Variants in HPS1 observed in about 807,000 individuals in gnomAD.
HPS1 encodes the protein HPS1 biogenesis of lysosomal organelles complex 3 subunit 1, also known as BLOC-3 complex member HPS1.
In HPS1, 59 loss-of-function variants were observed where a neutral mutation model predicts 90.6. The ratio of observed to expected loss-of-function variants is 0.65; its 90% confidence interval spans 0.53 to 0.81. The LOEUF (loss-of-function observed/expected upper bound fraction) is 0.81. Ranked by LOEUF, HPS1 falls within the 30% of genes least tolerant of loss-of-function variation. The pLI is 0.00. For synonymous variants in HPS1, 388 were observed against 384.4 expected (o/e 1.01, Z -0.11); for missense variants, 849 against 896.7 (o/e 0.95, Z 0.68).
chr10:98,440,003 C>T (rs1591143345), intron 3 of HPS1, among the ~76,000 whole-genome samples: 1 of 152,162 alleles, frequency 6.6e-6, no homozygotes, highest in Non-Finnish European at 1.5e-5. Flanking sequence ...TTCCTGCTGC[C>T]TTGTGAAGAA....
chr10:98,415,263 C>T (rs1436220970), downstream of HPS1: 4 of 1,263,174 alleles, frequency 3.2e-6, no homozygotes, highest in Admixed American at 1.0e-4. Flanking sequence ...TCCAGGCCCC[C>T]TCCACCATGC....
At chr10:98,428,106 T>A (rs1342774810) in intron 10 of HPS1, among the ~76,000 whole-genome samples, 3 of 152,068 alleles carry the variant, frequency 2.0e-5, no homozygotes, top group African/African-American at 4.8e-5. Flanking sequence ...TCTCAACAGG[T>A]CTCAGGCTCA....
chr10:98,417,581 G>T lies in HPS1; in HGVS notation c.2086C>A (p.Arg696Ser). 6.2e-7 allele frequency: 1 copy of T among 1,611,386 alleles called. No homozygotes were observed. Among genetic ancestry groups the T allele is most frequent in the Non-Finnish European group, 8.5e-7 (1 of 1,179,346 alleles). Reference sequence around the variant, plus strand: ...ACCTTGGCCTAGAGCAGGGGGATACGGGAGGCCTCCCAGAGGCGCCGGGCC... The same window carrying T: ...ACCTTGGCCTAGAGCAGGGGGATACTGGAGGCCTCCCAGAGGCGCCGGGCC... ...QLARRLWEAS[R>S]IPLL Residue 696 changes from arginine (R) to serine (S), a missense_variant, in exon 20 of 20, where the codon CGT becomes AGT. Coordinates refer to ENST00000361490, the MANE Select transcript of HPS1 (RefSeq NM_000195.5). The surrounding 1 kb of genome is among the most constrained non-coding windows in gnomAD (Gnocchi z 4.2).
In HPS1 at chr10:98,423,768, A is replaced by T. The variant is rs1436451897; in HGVS notation, c.1517T>A (p.Val506Glu). The change falls in exon 15 of 20, where the codon GTG becomes GAG. Residue 506 changes from valine to glutamate, a missense_variant. Val to Glu is a moderately radical substitution (Grantham distance 121). Transcript: ENST00000361490. Reference sequence around the variant, plus strand: ...CTGCACTTACCGCATGAGCCTCTGCACTTGGTCCTGCAGGTGCTGGGGCAG... The same window carrying T: ...CTGCACTTACCGCATGAGCCTCTGCTCTTGGTCCTGCAGGTGCTGGGGCAG... ...PHLPQHLQDQ[V>E]QRLMREKLTD... 4 of 1,614,088 alleles carry T rather than the reference A, an allele frequency of 2.5e-6. No individual in the cohort carries two copies. Among genetic ancestry groups the T allele is most frequent in the Non-Finnish European group, 3.4e-6 (4 of 1,180,022 alleles).
chr10:98,425,244 T>C (rs911581866), intron 13 of HPS1, among the ~76,000 whole-genome samples: 1 of 152,276 alleles, frequency 6.6e-6, no homozygotes, highest in Non-Finnish European at 1.5e-5. Context: ...CCACTGCTCA[T>C]GAGCTGCATA....
At chr10:98,415,102 C>T, downstream of HPS1, 1 of 1,613,864 alleles carries the variant, frequency 6.2e-7, no homozygotes, top group Non-Finnish European at 8.5e-7. Context: ...GAGGCGGCCA[C>T]AGCCTTGCAG....
Position 98,417,402 on chromosome 10 carries a change from A to T in HPS1, c.*162T>A. 3 of 599,266 alleles carry T rather than the reference A, an allele frequency of 5.0e-6. No homozygotes were observed. Among genetic ancestry groups the T allele is most frequent in the Non-Finnish European group, 8.8e-6 (3 of 341,118 alleles). 37.1% of individuals were successfully genotyped at this position (599,266 alleles called of 1,614,324 possible). A position where few individuals can be genotyped will look rare whatever the true frequency, so the allele number is the denominator to read the frequency against. On this transcript the variant is annotated 3_prime_UTR_variant, in exon 20 of 20. Transcript: ENST00000361490. This position sits in a 1 kb window ranked among gnomAD's most constrained non-coding sequence, Gnocchi z 4.2. The stretch of plus-strand genomic sequence containing the variant: ...GGGCCTTGCTCAGTACCTGACATGG[A>T]GGGTGGTCTAGGTGGGGTTTTAGAA...
rs1286151623 is a variant in HPS1 at position 98,427,218 on chromosome 10, A to G, written c.984T>C (p.Leu328=). The change falls in exon 11 of 20, where the codon CTT becomes CTC. Residue 328 remains leucine, a synonymous_variant. Transcript: ENST00000361490. ...GGCAGGCACAGGAGAAACTCACCTG[A>G]AGGGCATCCATGGGGGGGGTGCCCC... is the stretch of plus-strand genomic sequence containing the variant. The part of the protein sequence containing the change: ...LEGGTPPMDA[L]QIAEDTLQTL... 6 of 1,551,112 alleles carry G rather than the reference A, an allele frequency of 3.9e-6. No homozygotes were observed. Among genetic ancestry groups the G allele is most frequent in the Non-Finnish European group, 4.4e-6 (5 of 1,146,592 alleles).
Position 98,427,252 on chromosome 10 carries a change from C to A in HPS1, c.950G>T (p.Trp317Leu). 6.4e-7 allele frequency: 1 copy of A among 1,551,388 alleles called. No homozygotes were observed. Among genetic ancestry groups the A allele is most frequent in the Non-Finnish European group, 8.7e-7 (1 of 1,146,808 alleles). ...PGDQSSGSTIWLEGGTPPMDA... is the reference protein window; with the variant it reads ...PGDQSSGSTILLEGGTPPMDA... Reference sequence around the variant, plus strand: ...CATGGGGGGGGTGCCCCCCTCCAGCCAGATGGTGCTACCTGCAGGCCACAG... The same window carrying A: ...CATGGGGGGGGTGCCCCCCTCCAGCAAGATGGTGCTACCTGCAGGCCACAG... Residue 317 changes from tryptophan (W) to leucine (L), a missense_variant, in exon 11 of 20, where the codon TGG (tryptophan) becomes TTG (leucine). Coordinates refer to ENST00000361490, the MANE Select transcript of HPS1 (RefSeq NM_000195.5).
At chr10:98,433,146 T>C (rs11593280) in intron 6 of HPS1, among the ~76,000 whole-genome samples, 19,437 of 151,020 alleles carry the variant, frequency 0.13, 1,505 homozygotes, top group South Asian at 0.22. Flanking sequence ...GCAGGAGAAT[T>C]GCTTGAACCC....
chr10:98,443,772 C>G (rs1938899513), intron 2 of HPS1, among the ~76,000 whole-genome samples: 1 of 152,212 alleles, frequency 6.6e-6, no homozygotes, highest in African/African-American at 2.4e-5. Context: ...GTGGCTCACG[C>G]CTGTAATCCC....
At position 98,434,001 on chromosome 10, in the gene HPS1, C is replaced by T. The variant is rs1846917036; in HGVS notation, c.489G>A (p.Glu163=). 6.4e-7 allele frequency: 1 copy of T among 1,558,996 alleles called. No individual in the cohort carries two copies. The highest frequency in any genetic ancestry group is 8.7e-7 in the Non-Finnish European group (1 of 1,151,188). ...LWTYSRLREQ[E]QCFAVEALER... ...TAGTCACCTCCACGGCGAAGCACTG[C>T]TCCTGCTCCCGCAGGCGGCTGTAGG... Residue 163 remains glutamate (E), a synonymous_variant, in exon 6 of 20, where the codon GAG becomes GAA. Transcript: ENST00000361490.
chr10:98,417,738 G>C lies in HPS1; in HGVS notation c.1941-12C>G, dbSNP rs1369141819. The C allele has an allele frequency of 6.2e-7, 1 of 1,613,324 alleles. No homozygotes were observed. Among genetic ancestry groups the C allele is most frequent in the Admixed American group, 1.7e-5 (1 of 60,004 alleles). On this transcript the variant is annotated splice_polypyrimidine_tract_variant and intron_variant, in intron 19 of 19. Coordinates refer to ENST00000361490, the MANE Select transcript of HPS1 (RefSeq NM_000195.5). The surrounding 1 kb of genome is among the most constrained non-coding windows in gnomAD (Gnocchi z 4.2). ...AGCGCAGGAGCTTCCTGGGGAGGAA[G>C]GGGAGGATGGGATTCAGGAGTGAGG...
intron 3 of HPS1, among the ~76,000 whole-genome samples, chr10:98,439,791 T>C (rs967474439): frequency 1.3e-5 from 2 of 152,140 alleles, no homozygotes; most frequent in African/African-American, 4.8e-5. Flanking sequence ...AATGATATGA[T>C]TAGGCTTTGT....
At chr10:98,436,085 T>C (rs1847281603) in intron 3 of HPS1, among the ~76,000 whole-genome samples, 2 of 152,178 alleles carry the variant, frequency 1.3e-5, no homozygotes. Context: ...GGAAGGAAGT[T>C]TGTAGCATGT....
Position 98,423,743 on chromosome 10 carries a change from C to T in HPS1, c.1532+10G>A. On this transcript the variant is annotated intron_variant, in intron 15 of 19. Transcript: ENST00000361490. ...TGCCCTGGCCACCCAGGGGGCCGCA[C>T]TGCACTTACCGCATGAGCCTCTGCA... 6.2e-7 allele frequency: 1 copy of T among 1,614,116 alleles called. No individual in the cohort carries two copies. Among genetic ancestry groups the T allele is most frequent in the South Asian group, 1.1e-5 (1 of 91,082 alleles).
In HPS1 at chr10:98,435,291, C is replaced by G. The variant is rs371321032; in HGVS notation, c.379G>C (p.Gly127Arg). Reference protein sequence around the residue: ...EVHFGLVTVDGHLIRKELRPP... With the variant: ...EVHFGLVTVDRHLIRKELRPP... ...ACTCACTCCTTTCGGATAAGATGAC[C>G]GTCCACAGTCACCAGCCCAAAGTGC... The change falls in exon 5 of 20, where the codon GGT becomes CGT. Residue 127 changes from glycine to arginine, a missense_variant. Transcript: ENST00000361490. This position sits in a 1 kb window ranked among gnomAD's most constrained non-coding sequence, Gnocchi z 4.3. The G allele has an allele frequency of 1.2e-5, 20 of 1,613,986 alleles. No individual in the cohort carries two copies. The South Asian group carries it at 2.2e-4, about 18-fold the overall frequency.
Position 98,425,660 on chromosome 10 carries a change from C to A in HPS1, c.1216G>T (p.Glu406Ter), listed in dbSNP as rs1845505951. Reference sequence around the variant, plus strand: ...TCCGGCCCTTCCTTCAGCTTCTTCTCCAGCATGGAGAAGCCATCCATCAGC... The same window carrying A: ...TCCGGCCCTTCCTTCAGCTTCTTCTACAGCATGGAGAAGCCATCCATCAGC... ...SQLMDGFSML[E>*]KKLKEGPEPG... The change falls in exon 13 of 20, where the codon GAG becomes TAG. Residue 406 changes from glutamate to a stop codon, truncating the protein, a stop_gained. Coordinates refer to ENST00000361490, the MANE Select transcript of HPS1 (RefSeq NM_000195.5). LOFTEE classifies it high-confidence loss of function. 1.2e-6 allele frequency: 2 copies of A among 1,613,542 alleles called. No homozygotes were observed. Among genetic ancestry groups the A allele is most frequent in the African/African-American group, 1.3e-5 (1 of 74,946 alleles).
intron 13 of HPS1, 98 bp from the exon 14 acceptor site, chr10:98,424,472 GC>G: frequency 1.9e-6 from 2 of 1,056,534 alleles, no homozygotes; most frequent in Non-Finnish European, 2.8e-6. Flanking sequence ...AGGGCACAGG[GC>G]CCCCAGACAA....
Sources: allele counts gnomAD v4.1 joint callset (sites outside exome capture counted in the v4.1 genomes callset), GRCh38; gene constraint gnomAD v4.1.1; non-coding constraint Gnocchi (gnomAD v3.1); transcripts MANE v1.5; gene names NCBI Gene and HGNC (gene_info 2026-07-23, HGNC 2026-07-21).